Variants in ATOH8 observed in about 807,000 individuals in gnomAD.
The protein encoded by ATOH8 is atonal bHLH transcription factor 8.
ATOH8 carries 9 observed loss-of-function variants against 21.2 expected under a neutral mutation model. The ratio of observed to expected loss-of-function variants is 0.42; its 90% CI spans 0.26 to 0.74. The LOEUF is 0.74. ATOH8 is among the 30% of genes least tolerant of loss of function. The pLI is 0.24. For synonymous variants in ATOH8, 253 were observed against 224.0 expected (o/e 1.13, Z -1.16); for missense variants, 524 against 470.9 (o/e 1.11, Z -1.04).
Position 85,789,345 on chromosome 2 carries a change from G to C in ATOH8, c.*2455G>C, listed in dbSNP as rs557890611. On this transcript the variant is annotated 3_prime_UTR_variant, in exon 3 of 3. Transcript: ENST00000306279. ...CATGCATGGCATCACGGAGCTCTGG[G>C]TTCTGTACGGAGGGTGGGACAGACA... is the stretch of plus-strand genomic sequence containing the variant. Among the ~76,000 whole-genome samples the C allele has an allele frequency of 5.3e-5, 8 of 152,184 alleles. No individual in the cohort carries two copies. Among genetic ancestry groups the C allele is most frequent in the African/African-American group, 1.9e-4 (8 of 41,436 alleles).
At chr2:85,759,588 C>T (rs1026367012) in intron 1 of ATOH8, among the ~76,000 whole-genome samples, 1 of 152,034 alleles carries the variant, frequency 6.6e-6, no homozygotes. Flanking sequence ...AGCCTGGTGG[C>T]AGTGCAGGAG....
intron 1 of ATOH8, among the ~76,000 whole-genome samples, chr2:85,758,723 A>G (rs1462137669): frequency 1.3e-5 from 2 of 152,200 alleles, no homozygotes; most frequent in Non-Finnish European, 2.9e-5. Flanking sequence ...TGGGTGGTGC[A>G]GGGCAGATGG....
intron 1 of ATOH8, among the ~76,000 whole-genome samples, chr2:85,759,019 T>C (rs1006822140): frequency 6.6e-6 from 1 of 152,168 alleles, no homozygotes; most frequent in South Asian, 2.1e-4. Flanking sequence ...ATGGCAGCAA[T>C]GGAAGACAGT....
intron 2 of ATOH8, chr2:85,774,348 T>G (rs1261411182): frequency 1.0e-6 from 1 of 985,526 alleles, no homozygotes. Flanking sequence ...CCTGGCACAG[T>G]GCGAGGCCTC....
chr2:85,775,049 A>G (rs1264563008), intron 2 of ATOH8: 1 of 980,940 alleles, frequency 1.0e-6, no homozygotes, highest in African/African-American at 1.8e-5. Context: ...AAAATGTTAG[A>G]CAATATGAAA....
At chr2:85,763,821 C>T (rs1033275448) in intron 1 of ATOH8, among the ~76,000 whole-genome samples, 170 bp from the exon 2 acceptor site, 2 of 143,768 alleles carry the variant, frequency 1.4e-5, no homozygotes, top group East Asian at 2.1e-4. Context: ...GATGAGCTGA[C>T]GTGTGTGTGT....
At chr2:85,762,997 C>T (rs1178831224) in intron 1 of ATOH8, among the ~76,000 whole-genome samples, 1 of 152,170 alleles carries the variant, frequency 6.6e-6, no homozygotes, top group East Asian at 1.9e-4. Context: ...CTGTGGGATA[C>T]GAGTTCATCA....
rs1246376577 is a variant in ATOH8 at position 85,754,482 on chromosome 2, G to A, written c.293G>A (p.Gly98Asp). The change falls in exon 1 of 3, where the codon GGC (glycine) becomes GAC (aspartate). Residue 98 changes from glycine (G) to aspartate (D), a missense_variant. By Grantham distance (94) the Gly-to-Asp change is moderately conservative (BLOSUM62 -1). Coordinates refer to ENST00000306279, the MANE Select transcript of ATOH8 (RefSeq NM_032827.7). ...ACGGACACAGCCGGGGAGCGCGGGG[G>A]CTCTCGGGCGCCCGAGGTCTCCGAC... ...GGTDTAGERG[G>D]SRAPEVSDAR... is the part of the protein sequence containing the mutation. 1.4e-6 allele frequency: 2 copies of A among 1,444,290 alleles called. No individual in the cohort carries two copies. Among genetic ancestry groups the A allele is most frequent in the East Asian group, 2.7e-5 (1 of 36,412 alleles). 89.5% of individuals were successfully genotyped at this position (1,444,290 alleles called of 1,614,324 possible). A position where few individuals can be genotyped will look rare whatever the true frequency, so the allele number is the denominator to read the frequency against.
intron 2 of ATOH8, among the ~76,000 whole-genome samples, chr2:85,779,499 TCTGGCC>T (rs1313768174): frequency 6.6e-6 from 1 of 152,200 alleles, no homozygotes; most frequent in Non-Finnish European, 1.5e-5. Context: ...TCCTCTAAGC[TCTGGCC>T]CTGGCCCTGG....
At chr2:85,780,823 A>C (rs1680462539) in intron 2 of ATOH8, 1 of 961,662 alleles carries the variant, frequency 1.0e-6, no homozygotes, top group South Asian at 4.8e-5. Context: ...ACACAGCACT[A>C]TCCTCGATTC....
chr2:85,787,051 C>T lies in ATOH8; in HGVS notation c.*161C>T. On this transcript the variant is annotated 3_prime_UTR_variant, in exon 3 of 3. Coordinates refer to ENST00000306279, the MANE Select transcript of ATOH8 (RefSeq NM_032827.7). The stretch of plus-strand genomic sequence containing the variant: ...GGTCGGATCGGAGCACGCCTGCCTC[C>T]CTCTCCCCTCCGCCCTCACCCAGCC... 2.3e-6 allele frequency: 2 copies of T among 851,398 alleles called. No individual in the cohort carries two copies. The highest frequency in any genetic ancestry group is 2.2e-4 in the Middle Eastern group (1 of 4,470). 52.7% of individuals were successfully genotyped at this position (851,398 alleles called of 1,614,324 possible). A position where few individuals can be genotyped will look rare whatever the true frequency, so the allele number is the denominator to read the frequency against.
At position 85,774,160 on chromosome 2, in the gene ATOH8, G is replaced by A. The variant is rs190621599; in HGVS notation, c.960+9978G>A. On this transcript the variant is annotated intron_variant, in intron 2 of 2. Transcript: ENST00000306279. ...TCTCCTGCCCAAGAAGTTGGTCTTC[G>A]TGGGGCCAAAGGCAAGGAGGACCCG... 1,156 of 985,458 alleles carry A rather than the reference G, an allele frequency of 1.2e-3. 1 individual carries two copies. The highest frequency in any genetic ancestry group is 1.3e-3 in the Non-Finnish European group (1,103 of 829,932). 61.0% of individuals were successfully genotyped at this position (985,458 alleles called of 1,614,324 possible).
chr2:85,754,364 G>A lies in ATOH8; in HGVS notation c.175G>A (p.Gly59Arg), dbSNP rs558361422. The change falls in exon 1 of 3, where the codon GGG becomes AGG. Residue 59 changes from glycine (G) to arginine (R), a missense_variant. Gly to Arg is a moderately radical substitution (Grantham distance 125, BLOSUM62 -2). Transcript: ENST00000306279. ...APEPRAVATNGLRDRTHRLQP... is the reference protein window; with the variant it reads ...APEPRAVATNRLRDRTHRLQP... ...CGAGCCCCGCGCCGTAGCCACCAACGGGCTGCGGGACAGGACCCATCGGCT... is the reference window on the plus strand; with the variant it reads ...CGAGCCCCGCGCCGTAGCCACCAACAGGCTGCGGGACAGGACCCATCGGCT... 917 of 1,600,910 alleles carry A rather than the reference G, an allele frequency of 5.7e-4. 9 individuals carry two copies. The South Asian group carries it at 9.6e-3, about 17-fold the overall frequency.
intron 1 of ATOH8, among the ~76,000 whole-genome samples, chr2:85,762,621 G>A (rs1679898177): frequency 6.6e-6 from 1 of 152,174 alleles, no homozygotes; most frequent in African/African-American, 2.4e-5. Flanking sequence ...TGTAGGGTAG[G>A]GGAGGTCAGG....
At chr2:85,780,828 C>T (rs1680462774) in intron 2 of ATOH8, 11 of 965,562 alleles carry the variant, frequency 1.1e-5, no homozygotes, top group South Asian at 4.8e-5. Context: ...GCACTATCCT[C>T]GATTCATGCC....
chr2:85,782,610 A>G (rs1169003060), intron 2 of ATOH8, among the ~76,000 whole-genome samples: 3 of 152,262 alleles, frequency 2.0e-5, no homozygotes, highest in African/African-American at 2.4e-5. Context: ...ACATCTTGCA[A>G]TATATAAAGC....
intron 2 of ATOH8, among the ~76,000 whole-genome samples, chr2:85,767,721 A>T (rs1222174684): frequency 3.3e-5 from 5 of 152,006 alleles, no homozygotes; most frequent in Non-Finnish European, 7.4e-5. Flanking sequence ...GGGAACCAGG[A>T]GTGGTTAGGG....
rs1452074306 is a variant in ATOH8 at position 85,785,598 on chromosome 2, TC to T, written c.961-1286del. Among the ~76,000 whole-genome samples, 1 of 152,080 alleles carries T rather than the reference TC, an allele frequency of 6.6e-6. No homozygotes were observed. The highest frequency in any genetic ancestry group is 6.5e-5 in the Admixed American group (1 of 15,282). ...GCCTGTGGTTAGCAGGCCCTCCACG[TC>T]GTGGTTTGGCTCCATCCTGGCTCCC... On this transcript the variant is annotated intron_variant, in intron 2 of 2. Coordinates refer to ENST00000306279, the MANE Select transcript of ATOH8 (RefSeq NM_032827.7). The surrounding 1 kb of genome is among the most constrained non-coding windows in gnomAD (Gnocchi z 4.1).
intron 2 of ATOH8, among the ~76,000 whole-genome samples, chr2:85,769,124 C>T: frequency 6.6e-6 from 1 of 152,204 alleles, no homozygotes; most frequent in East Asian, 1.9e-4. Context: ...GGGCCACCCC[C>T]AGATCTATGG....
Sources: allele counts gnomAD v4.1 joint callset (sites outside exome capture counted in the v4.1 genomes callset), GRCh38; gene constraint gnomAD v4.1.1; non-coding constraint Gnocchi (gnomAD v3.1); transcripts MANE v1.5; gene names NCBI Gene and HGNC (gene_info 2026-07-23, HGNC 2026-07-21).